The following PLCB1 variants were observed in gnomAD, a reference collection of about 807,000 sequenced individuals.
The protein encoded by PLCB1 is phospholipase C beta 1.
Under a neutral mutation model 161.8 loss-of-function variants are expected in PLCB1, and 46 were observed. That is an observed-to-expected ratio of 0.28 (90% confidence interval 0.22 to 0.36). PLCB1 has a LOEUF of 0.36. Ranked by LOEUF, PLCB1 falls within the 10% of genes least tolerant of loss-of-function variation. The pLI, the probability that PLCB1 is intolerant of heterozygous loss-of-function variation, is 1.00. For synonymous variants in PLCB1, 517 were observed against 503.7 expected (o/e 1.03, Z -0.35); for missense variants, 1,016 against 1,472.5 (o/e 0.69, Z 5.07).
At chr20:8,391,657 A>G (rs533366252) in intron 3 of PLCB1, among the ~76,000 whole-genome samples, 30 of 151,784 alleles carry the variant, frequency 2.0e-4, no homozygotes, top group African/African-American at 6.5e-4. Context: ...TTAACTGGTA[A>G]CAAGACATAA....
chr20:8,189,882 G>A (rs1454554182), intron 2 of PLCB1, among the ~76,000 whole-genome samples: 1 of 151,900 alleles, frequency 6.6e-6, no homozygotes, highest in East Asian at 1.9e-4. Context: ...ATGTTTCAAG[G>A]GAATGTTTTT....
chr20:8,741,856 C>T (rs2075260785), intron 23 of PLCB1, among the ~76,000 whole-genome samples: 2 of 152,182 alleles, frequency 1.3e-5, no homozygotes, highest in African/African-American at 4.8e-5. Flanking sequence ...CTACATGATT[C>T]CATGCTAATT....
At chr20:8,859,009 C>T (rs926083652) in intron 31 of PLCB1, among the ~76,000 whole-genome samples, 11 of 151,360 alleles carry the variant, frequency 7.3e-5, no homozygotes, top group Admixed American at 5.9e-4. Flanking sequence ...ATAAGATAAT[C>T]TCTCAGATTG....
chr20:8,382,322 G>A (rs1389224319), intron 3 of PLCB1, among the ~76,000 whole-genome samples: 8 of 137,362 alleles, frequency 5.8e-5, no homozygotes, highest in African/African-American at 8.3e-5. Context: ...TTGCTCTGTC[G>A]CCCAGGCTGA....
At chr20:8,596,943 C>T (rs1401659812) in intron 3 of PLCB1, among the ~76,000 whole-genome samples, 6 of 152,392 alleles carry the variant, frequency 3.9e-5, no homozygotes, top group East Asian at 3.9e-4. Context: ...GATTTTTGCA[C>T]GTTGATTTTG....
chr20:8,627,231 A>G lies in PLCB1; in HGVS notation c.247-1063A>G, dbSNP rs562456235. Among the ~76,000 whole-genome samples the G allele has an allele frequency of 5.3e-5, 8 of 152,348 alleles. No individual in the cohort carries two copies. In the South Asian group the frequency reaches 1.4e-3, roughly 28 times the overall value. On this transcript the variant is annotated intron_variant, in intron 3 of 31. Coordinates refer to ENST00000338037, the MANE Select transcript of PLCB1 (RefSeq NM_015192.4). Reference sequence around the variant, plus strand: ...AGAGAGAATTAATGGCACCAAGTAAAGTAACTCAGCTGGAAAGGTTTTGTT... The same window carrying G: ...AGAGAGAATTAATGGCACCAAGTAAGGTAACTCAGCTGGAAAGGTTTTGTT...
chr20:8,635,595 T>C (rs1988738580), intron 4 of PLCB1, among the ~76,000 whole-genome samples: 1 of 152,212 alleles, frequency 6.6e-6, no homozygotes, highest in Admixed American at 6.5e-5. Flanking sequence ...TCAGAGTTAC[T>C]GTGACTGTCA....
At chr20:8,832,458 T>C (rs981069679) in intron 31 of PLCB1, among the ~76,000 whole-genome samples, 45 of 152,228 alleles carry the variant, frequency 3.0e-4, no homozygotes, top group African/African-American at 1.0e-3. Flanking sequence ...TTATAGAGAC[T>C]AGCATCAGGA....
At chr20:8,737,952 C>G (rs1316621911) in intron 20 of PLCB1, among the ~76,000 whole-genome samples, 1 of 152,182 alleles carries the variant, frequency 6.6e-6, no homozygotes, top group Admixed American at 6.5e-5. Context: ...ATTGACCACA[C>G]TTAAGAAATA....
chr20:8,519,679 G>A (rs1297163659), intron 3 of PLCB1, among the ~76,000 whole-genome samples: 1 of 152,092 alleles, frequency 6.6e-6, no homozygotes, highest in Non-Finnish European at 1.5e-5. Context: ...TCTTACTTGA[G>A]AAACACACCA....
chr20:8,722,455 T>C (rs781644157), intron 15 of PLCB1, 34 bp downstream of exon 15: 30 of 1,510,640 alleles, frequency 2.0e-5, no homozygotes, highest in Non-Finnish European at 2.7e-5. Context: ...CCTAAGGCAT[T>C]CCACCACCCT....
chr20:8,541,724 T>TA (rs1985341317), intron 3 of PLCB1, among the ~76,000 whole-genome samples: 1 of 152,236 alleles, frequency 6.6e-6, no homozygotes. Context: ...ATTACCTGGA[T>TA]AAAATACATA....
intron 9 of PLCB1, among the ~76,000 whole-genome samples, chr20:8,659,885 A>T (rs1280846859): frequency 6.6e-6 from 1 of 151,780 alleles, no homozygotes; most frequent in Non-Finnish European, 1.5e-5. Flanking sequence ...CCGGCTACTC[A>T]AAAGACTGAG....
At chr20:8,520,494 A>G (rs1182067684) in intron 3 of PLCB1, among the ~76,000 whole-genome samples, 2 of 152,100 alleles carry the variant, frequency 1.3e-5, no homozygotes, top group Non-Finnish European at 2.9e-5. Context: ...GTAACAACCT[A>G]TGCACCTTTT....
chr20:8,681,074 A>G (rs7270992), intron 9 of PLCB1, among the ~76,000 whole-genome samples: 1 of 72,648 alleles, frequency 1.4e-5, no homozygotes, highest in Admixed American at 1.6e-4. Context: ...ATATGTGTGT[A>G]TATGTGTGTG....
chr20:8,436,751 C>T (rs924738248), intron 3 of PLCB1, among the ~76,000 whole-genome samples: 15 of 152,160 alleles, frequency 9.9e-5, no homozygotes, highest in African/African-American at 3.6e-4. Flanking sequence ...TGTGCCAACA[C>T]TTGACCTAGC....
At chr20:8,854,539 A>T (rs1987002326) in intron 31 of PLCB1, among the ~76,000 whole-genome samples, 1 of 152,044 alleles carries the variant, frequency 6.6e-6, no homozygotes. Context: ...CAGAATGGAG[A>T]TGTGTTGTTT....
intron 29 of PLCB1, 106 bp from the exon 30 acceptor site, chr20:8,789,411 GA>G: frequency 2.6e-6 from 2 of 781,606 alleles, no homozygotes; most frequent in South Asian, 3.1e-5. Flanking sequence ...AAGGAAAAAA[GA>G]AAAAGAATGT....
intron 4 of PLCB1, among the ~76,000 whole-genome samples, chr20:8,631,447 G>C (rs1988586368): frequency 6.6e-6 from 1 of 152,206 alleles, no homozygotes; most frequent in African/African-American, 2.4e-5. Flanking sequence ...CCATTTGGCA[G>C]CTTTTTGGTC....
Sources: gnomAD v4.1 joint callset for allele counts (sites outside exome capture counted in the v4.1 genomes callset) on GRCh38, gnomAD v4.1.1 for gene constraint, MANE v1.5 for transcripts, NCBI Gene and HGNC (gene_info 2026-07-23, HGNC 2026-07-21) for gene names.